Variants in INTS9 observed in about 807,000 individuals in gnomAD.
INTS9 encodes the protein protein related to CPSF subunits of 74 kDa.
INTS9 carries 55 observed loss-of-function variants against 79.7 expected under a neutral mutation model. The observed-to-expected ratio is 0.69, with a 90% CI of 0.56 to 0.86. The LOEUF (loss-of-function observed/expected upper bound fraction) is 0.86. Ranked by LOEUF, INTS9 falls within the 40% of genes least tolerant of loss-of-function variation. INTS9 has a pLI of 0.00. For synonymous variants in INTS9, 319 were observed against 325.2 expected, an observed-to-expected ratio of 0.98 and a Z score of 0.20; for missense variants, 721 against 831.5, an observed-to-expected ratio of 0.87 and a Z score of 1.64.
At chr8:28,829,257 T>C (rs943017429) in intron 6 of INTS9, among the ~76,000 whole-genome samples, 1 of 152,208 alleles carries the variant, frequency 6.6e-6, no homozygotes, top group Non-Finnish European at 1.5e-5. Context: ...AACCTAAACT[T>C]AAGTGAGTGT....
chr8:28,774,030 G>C (rs1182009865), intron 14 of INTS9, among the ~76,000 whole-genome samples: 2 of 152,138 alleles, frequency 1.3e-5, no homozygotes, highest in African/African-American at 4.8e-5. Flanking sequence ...GGCCAGGCTA[G>C]TCTTGAACTC....
intron 4 of INTS9, among the ~76,000 whole-genome samples, chr8:28,842,347 T>C (rs1225559815): frequency 1.3e-5 from 2 of 152,300 alleles, no homozygotes; most frequent in East Asian, 3.9e-4. Context: ...GTTGGATGTT[T>C]TCACGTTTTC....
intron 1 of INTS9, among the ~76,000 whole-genome samples, chr8:28,873,389 G>A (rs1029441921): frequency 5.3e-5 from 8 of 152,182 alleles, no homozygotes; most frequent in African/African-American, 1.4e-4. Flanking sequence ...GTTGCTATTT[G>A]CAGACAGGTG....
intron 1 of INTS9, among the ~76,000 whole-genome samples, chr8:28,884,660 G>GA (rs1033525010): frequency 2.5e-4 from 38 of 152,040 alleles, no homozygotes; most frequent in Non-Finnish European, 2.9e-5. Context: ...AATCATGAAG[G>GA]AAAAAACCTA....
intron 2 of INTS9, among the ~76,000 whole-genome samples, chr8:28,852,222 CAAAAAAAT>C (rs770369915): frequency 2.0e-5 from 3 of 148,950 alleles, no homozygotes; most frequent in Admixed American, 6.7e-5. Flanking sequence ...GACCCTGTCT[CAAAAAAAT>C]AAAAAAAGAA....
intron 14 of INTS9, among the ~76,000 whole-genome samples, chr8:28,772,748 A>C (rs1340893069): frequency 6.6e-6 from 1 of 152,148 alleles, no homozygotes; most frequent in Non-Finnish European, 1.5e-5. Flanking sequence ...TGGAGCTTGC[A>C]GTGAGCAGAG....
intron 1 of INTS9, among the ~76,000 whole-genome samples, chr8:28,883,452 T>C (rs955402698): frequency 6.6e-6 from 1 of 152,096 alleles, no homozygotes; most frequent in Non-Finnish European, 1.5e-5. Flanking sequence ...AGAAGACAAA[T>C]AGTAAAAGTA....
intron 6 of INTS9, among the ~76,000 whole-genome samples, chr8:28,824,525 T>C (rs1231805534): frequency 2.6e-5 from 4 of 152,230 alleles, no homozygotes; most frequent in Admixed American, 2.6e-4. Context: ...TAAACACACT[T>C]GTCACTTTCT....
At chr8:28,859,011 T>A (rs1036038194) in intron 2 of INTS9, among the ~76,000 whole-genome samples, 1 of 151,714 alleles carries the variant, frequency 6.6e-6, no homozygotes, top group Non-Finnish European at 1.5e-5. Context: ...AATCTAAAGT[T>A]GACTTAGTAT....
chr8:28,780,517 C>T (rs1009446507), intron 12 of INTS9: 5 of 985,260 alleles, frequency 5.1e-6, no homozygotes, highest in Non-Finnish European at 6.0e-6. Context: ...TAAAACAACA[C>T]CGTTACTGAA....
chr8:28,804,996 A>T (rs1804727261), intron 8 of INTS9, among the ~76,000 whole-genome samples: 1 of 152,198 alleles, frequency 6.6e-6, no homozygotes, highest in Non-Finnish European at 1.5e-5. Flanking sequence ...AATACACAGA[A>T]GTGTCAGTAT....
At chr8:28,861,589 T>C (rs1808463025) in intron 1 of INTS9, among the ~76,000 whole-genome samples, 1 of 152,232 alleles carries the variant, frequency 6.6e-6, no homozygotes, top group African/African-American at 2.4e-5. Flanking sequence ...TACTACATTT[T>C]TATAATCAGA....
chr8:28,777,793 T>C (rs2130878249), intron 13 of INTS9, 36 bp downstream of exon 13: 1 of 1,566,234 alleles, frequency 6.4e-7, no homozygotes, highest in South Asian at 1.2e-5. Flanking sequence ...CAAGGTGACA[T>C]GACTACGTGA....
chr8:28,769,002 CTTAAGTTT>C (rs969910870), intron 16 of INTS9, among the ~76,000 whole-genome samples: 1 of 152,130 alleles, frequency 6.6e-6, no homozygotes, highest in Non-Finnish European at 1.5e-5. Flanking sequence ...AGGTCCTCAT[CTTAAGTTT>C]TTAAAAGTCC....
At chr8:28,861,619 A>C (rs1347932724) in intron 1 of INTS9, among the ~76,000 whole-genome samples, 2 of 152,244 alleles carry the variant, frequency 1.3e-5, no homozygotes, top group Non-Finnish European at 2.9e-5. Flanking sequence ...TGATTAAAAC[A>C]AAACAGACAA....
intron 1 of INTS9, among the ~76,000 whole-genome samples, chr8:28,874,299 T>TG (rs1809254220): frequency 6.6e-6 from 1 of 151,886 alleles, no homozygotes; most frequent in Admixed American, 6.6e-5. Flanking sequence ...GTTTTTTTTT[T>TG]TTTGTTTTGA....
intron 1 of INTS9, among the ~76,000 whole-genome samples, chr8:28,873,246 AC>A (rs1356097969): frequency 1.3e-5 from 2 of 152,216 alleles, no homozygotes; most frequent in Non-Finnish European, 2.9e-5. Flanking sequence ...AATAGGTTTT[AC>A]TAGGCTGAAT....
At position 28,788,338 on chromosome 8, in the gene INTS9, C is replaced by T. The variant is rs920451860; in HGVS notation, c.1038-449G>A. On this transcript the variant is annotated intron_variant, in intron 10 of 16. Coordinates refer to ENST00000521022, the MANE Select transcript of INTS9 (RefSeq NM_018250.4). ...CCCTTTTCTGTTCCAGGATCCAATC[C>T]GTGGTATCATATTGCATTTAGTTGT... 4.6e-5 allele frequency among the ~76,000 whole-genome samples: 7 copies of T among 152,140 alleles called. No individual in the cohort carries two copies. In the East Asian group the frequency reaches 5.8e-4, roughly 13 times the overall value.
chr8:28,861,145 G>C (rs1255512339), intron 1 of INTS9, among the ~76,000 whole-genome samples: 1 of 152,132 alleles, frequency 6.6e-6, no homozygotes, highest in African/African-American at 2.4e-5. Flanking sequence ...ATTTAAAACT[G>C]CAATTGTCCT....
Sources: gnomAD v4.1 joint callset for allele counts (sites outside exome capture counted in the v4.1 genomes callset) on GRCh38, gnomAD v4.1.1 for gene constraint, MANE v1.5 for transcripts, NCBI Gene and HGNC (gene_info 2026-07-23, HGNC 2026-07-21) for gene names.